The following RNGTT variants were observed in gnomAD, a reference collection of about 807,000 sequenced individuals.
The protein encoded by RNGTT is RNA guanylyltransferase and 5'-phosphatase.
A neutral mutation model predicts 79.3 loss-of-function variants in RNGTT; 33 were observed. The ratio of observed to expected loss-of-function variants is 0.42; its 90% CI spans 0.32 to 0.56. The LOEUF (loss-of-function observed/expected upper bound fraction) is 0.56, where lower values mean the gene tolerates loss of function less well. RNGTT is among the 20% of genes least tolerant of loss of function. RNGTT has a pLI of 0.17. For synonymous variants in RNGTT, 222 were observed against 235.9 expected, an observed-to-expected ratio of 0.94 and a Z score of 0.54; for missense variants, 497 against 739.1, an observed-to-expected ratio of 0.67 and a Z score of 3.80.
At chr6:88,732,444 T>C (rs1253546138) in intron 13 of RNGTT, among the ~76,000 whole-genome samples, 1 of 152,132 alleles carries the variant, frequency 6.6e-6, no homozygotes, top group Admixed American at 6.5e-5. Flanking sequence ...CAAAAAACAG[T>C]ATGGCAGTTC....
intron 14 of RNGTT, among the ~76,000 whole-genome samples, chr6:88,654,621 T>G (rs1773910443): frequency 1.9e-5 from 2 of 102,570 alleles, no homozygotes; most frequent in South Asian, 2.8e-4. Flanking sequence ...CTATGAGATC[T>G]CATCTTTTCT....
At chr6:88,836,130 C>T (rs1781072316) in intron 11 of RNGTT, among the ~76,000 whole-genome samples, 1 of 149,334 alleles carries the variant, frequency 6.7e-6, no homozygotes, top group South Asian at 2.1e-4. Context: ...TTATCTGGGA[C>T]AATAAATCTT....
intron 14 of RNGTT, among the ~76,000 whole-genome samples, chr6:88,615,894 A>G (rs1352322827): frequency 6.6e-6 from 1 of 152,206 alleles, no homozygotes; most frequent in African/African-American, 2.4e-5. Flanking sequence ...TGAATTTTCC[A>G]TCTTAACCAT....
intron 2 of RNGTT, among the ~76,000 whole-genome samples, chr6:88,931,530 T>G (rs1047006289): frequency 1.3e-5 from 2 of 152,132 alleles, no homozygotes; most frequent in Non-Finnish European, 2.9e-5. Flanking sequence ...ATTTCTAAAA[T>G]GACAAAAATC....
intron 14 of RNGTT, among the ~76,000 whole-genome samples, chr6:88,649,998 T>G (rs1300720607): frequency 1.3e-5 from 2 of 152,214 alleles, no homozygotes; most frequent in East Asian, 3.8e-4. Flanking sequence ...TAATTTTTCA[T>G]GATTTTACTG....
intron 13 of RNGTT, among the ~76,000 whole-genome samples, chr6:88,756,761 A>G (rs1163006534): frequency 5.3e-5 from 8 of 152,170 alleles, no homozygotes. Context: ...ACAAGACAGC[A>G]TCAAATCAGG....
At chr6:88,942,766 T>C (rs1034742205) in intron 1 of RNGTT, among the ~76,000 whole-genome samples, 8 of 152,332 alleles carry the variant, frequency 5.3e-5, no homozygotes, top group Middle Eastern at 3.4e-3. Context: ...GAAAAAATAA[T>C]TTTTTAAGAT....
chr6:88,700,917 A>C (rs1165512215), intron 13 of RNGTT, among the ~76,000 whole-genome samples: 1 of 152,182 alleles, frequency 6.6e-6, no homozygotes, highest in African/African-American at 2.4e-5. Context: ...CATGGTATAC[A>C]TATTTGGAAA....
intron 14 of RNGTT, among the ~76,000 whole-genome samples, chr6:88,673,507 G>A (rs978323059): frequency 2.0e-5 from 3 of 152,286 alleles, no homozygotes; most frequent in South Asian, 2.1e-4. Flanking sequence ...ATTTGGTGGA[G>A]CCATAGGAAT....
In RNGTT at chr6:88,804,625, C is replaced by T. The variant is rs552523902; in HGVS notation, c.1270-2993G>A. Among the ~76,000 whole-genome samples the T allele has an allele frequency of 3.3e-5, 5 of 151,866 alleles. No homozygotes were observed. The South Asian group carries it at 6.2e-4, about 19-fold the overall frequency. On this transcript the variant is annotated intron_variant, in intron 11 of 15. Coordinates refer to ENST00000369485, the MANE Select transcript of RNGTT (RefSeq NM_003800.5). ...CTAAAAATGTTATTAATATTGTATA[C>T]TTTATATTAACTGATTTATATATTC...
chr6:88,795,575 C>T (rs747466815), intron 12 of RNGTT, among the ~76,000 whole-genome samples: 3 of 152,018 alleles, frequency 2.0e-5, no homozygotes, highest in Non-Finnish European at 4.4e-5. Flanking sequence ...AGGAGAAATA[C>T]TGAATGTAGA....
intron 13 of RNGTT, among the ~76,000 whole-genome samples, chr6:88,760,936 T>C (rs1326441526): frequency 1.3e-5 from 2 of 150,386 alleles, no homozygotes; most frequent in African/African-American, 2.5e-5. Context: ...TTCAAACTCC[T>C]AGGGCTCAAG....
chr6:88,962,571 G>A (rs1198160180), intron 1 of RNGTT, among the ~76,000 whole-genome samples: 3 of 151,958 alleles, frequency 2.0e-5, no homozygotes, highest in Non-Finnish European at 4.4e-5. Flanking sequence ...CCAGGCGTTG[G>A]AGACCAGCCT....
intron 14 of RNGTT, among the ~76,000 whole-genome samples, chr6:88,646,524 C>T (rs1773566908): frequency 6.6e-6 from 1 of 152,180 alleles, no homozygotes; most frequent in African/African-American, 2.4e-5. Context: ...AATCATGCTG[C>T]TATAAAGACA....
chr6:88,802,088 T>C (rs1218567021), intron 11 of RNGTT, among the ~76,000 whole-genome samples: 1 of 152,066 alleles, frequency 6.6e-6, no homozygotes, highest in Non-Finnish European at 1.5e-5. Flanking sequence ...AAGAAATACT[T>C]GGGGACAAGA....
intron 11 of RNGTT, among the ~76,000 whole-genome samples, chr6:88,824,229 C>A (rs9353621): frequency 0.13 from 19,958 of 152,114 alleles, 1,461 homozygotes; most frequent in Middle Eastern, 0.24. Context: ...CCTAGATGGT[C>A]CAGCCAACTA....
intron 11 of RNGTT, among the ~76,000 whole-genome samples, chr6:88,823,835 G>A (rs527777917): frequency 1.2e-4 from 19 of 152,276 alleles, no homozygotes; most frequent in African/African-American, 4.6e-4. Context: ...AAAGAGTTGA[G>A]ATTTAGCTGA....
At chr6:88,627,106 A>G (rs967803282) in intron 14 of RNGTT, among the ~76,000 whole-genome samples, 2 of 152,138 alleles carry the variant, frequency 1.3e-5, no homozygotes, top group African/African-American at 4.8e-5. Context: ...ATAGTTATAC[A>G]TACAATGACT....
At position 88,871,483 on chromosome 6, in the gene RNGTT, A is replaced by G. The variant is rs75539523; in HGVS notation, c.897-17719T>C. Reference sequence around the variant, plus strand: ...CCTCCTTTAAGTTTGGGCTAGACTTATATGTTACAACAAATAGAATATGGC... The same window carrying G: ...CCTCCTTTAAGTTTGGGCTAGACTTGTATGTTACAACAAATAGAATATGGC... On this transcript the variant is annotated intron_variant, in intron 8 of 15. Transcript: ENST00000369485. Among the ~76,000 whole-genome samples, 285 of 152,288 alleles carry G rather than the reference A, an allele frequency of 1.9e-3. 1 individual carries two copies. The highest frequency in any genetic ancestry group is 3.1e-3 in the Non-Finnish European group (213 of 68,020).
Sources: allele counts gnomAD v4.1 joint callset (sites outside exome capture counted in the v4.1 genomes callset), GRCh38; gene constraint gnomAD v4.1.1; transcripts MANE v1.5; gene names NCBI Gene and HGNC (gene_info 2026-07-23, HGNC 2026-07-21).